The following CDH2 variants were observed in gnomAD, a reference collection of about 807,000 sequenced individuals.
The protein encoded by CDH2 is cadherin-2.
In CDH2, 17 loss-of-function variants were observed where a neutral mutation model predicts 92.0. The observed-to-expected ratio is 0.18, with a 90% CI of 0.13 to 0.28. CDH2 has a LOEUF of 0.28. CDH2 is among the 10% of genes least tolerant of loss of function. The pLI is 1.00. For missense variants in CDH2, 862 were observed against 1,133.1 expected, an observed-to-expected ratio of 0.76 and a Z score of 3.44; for synonymous variants, 419 against 415.9, an observed-to-expected ratio of 1.01 and a Z score of -0.09.
intron 2 of CDH2, among the ~76,000 whole-genome samples, chr18:28,053,655 A>C (rs1287071906): frequency 6.6e-6 from 1 of 152,222 alleles, no homozygotes; most frequent in East Asian, 1.9e-4. Flanking sequence ...CTGTCTGAAC[A>C]GGCTGCAGCC....
intron 2 of CDH2, among the ~76,000 whole-genome samples, chr18:28,082,021 C>A (rs1258513997): frequency 1.3e-5 from 2 of 152,034 alleles, no homozygotes; most frequent in African/African-American, 4.8e-5. Flanking sequence ...AAGTTCATAG[C>A]CTTGTAAAAT....
At chr18:28,073,695 T>G (rs2014663444) in intron 2 of CDH2, among the ~76,000 whole-genome samples, 1 of 152,160 alleles carries the variant, frequency 6.6e-6, no homozygotes, top group Admixed American at 6.5e-5. Context: ...GTTAAACACA[T>G]TTATTGAACT....
intron 2 of CDH2, among the ~76,000 whole-genome samples, chr18:28,046,854 A>C (rs1172237290): frequency 6.6e-6 from 1 of 152,222 alleles, no homozygotes. Context: ...ACTGATGTTC[A>C]ATTGGAGTAA....
chr18:27,956,887 C>T (rs571388632), intron 15 of CDH2, among the ~76,000 whole-genome samples: 15 of 152,198 alleles, frequency 9.9e-5, no homozygotes, highest in Non-Finnish European at 1.5e-4. Flanking sequence ...AACTCAAATG[C>T]CTGCTGTTGG....
intron 2 of CDH2, among the ~76,000 whole-genome samples, chr18:28,024,675 T>C (rs1187672278): frequency 6.6e-6 from 1 of 151,730 alleles, no homozygotes; most frequent in Non-Finnish European, 1.5e-5. Flanking sequence ...GAACTTACTG[T>C]TCTCTTTAGT....
intron 14 of CDH2, among the ~76,000 whole-genome samples, chr18:27,975,050 A>G (rs1249919853): frequency 1.3e-5 from 2 of 152,146 alleles, no homozygotes; most frequent in African/African-American, 2.4e-5. Flanking sequence ...TTAAAACTTA[A>G]AAAAACACAT....
At chr18:28,151,983 T>C (rs2016129894) in intron 1 of CDH2, among the ~76,000 whole-genome samples, 1 of 152,038 alleles carries the variant, frequency 6.6e-6, no homozygotes, top group Admixed American at 6.5e-5. Context: ...TTTCATTCCA[T>C]TTTCAAGTCT....
chr18:28,148,032 A>T (rs1318154594), intron 1 of CDH2, among the ~76,000 whole-genome samples: 1 of 152,186 alleles, frequency 6.6e-6, no homozygotes, highest in Admixed American at 6.5e-5. Flanking sequence ...AGGTTCTTCT[A>T]AGGACTGAAC....
At chr18:28,147,498 TAA>T (rs1344640278) in intron 2 of CDH2, among the ~76,000 whole-genome samples, 173 bp downstream of exon 2, 1 of 152,158 alleles carries the variant, frequency 6.6e-6, no homozygotes, top group African/African-American at 2.4e-5. Context: ...ATTATGTATA[TAA>T]GAGATTCATA....
At chr18:27,936,484 C>G (rs1909021969) in intron 6 of CDH2, among the ~76,000 whole-genome samples, 1 of 152,112 alleles carries the variant, frequency 6.6e-6, no homozygotes, top group African/African-American at 2.4e-5. Context: ...CTCACTCACA[C>G]TTTCATAGCT....
At chr18:28,002,075 C>A (rs2012784914) in intron 7 of CDH2, among the ~76,000 whole-genome samples, 1 of 152,104 alleles carries the variant, frequency 6.6e-6, no homozygotes, top group South Asian at 2.1e-4. Flanking sequence ...AAAATAATGA[C>A]CTTGAGAGTC....
At chr18:27,944,002 T>C (rs1909205753) in intron 6 of CDH2, among the ~76,000 whole-genome samples, 1 of 152,018 alleles carries the variant, frequency 6.6e-6, no homozygotes, top group South Asian at 2.1e-4. Flanking sequence ...AAGATTAAGA[T>C]GGAGATAAAA....
intron 6 of CDH2, among the ~76,000 whole-genome samples, chr18:27,933,830 CCTAA>C (rs543817192): frequency 1.2e-3 from 186 of 152,260 alleles, no homozygotes; most frequent in African/African-American, 4.3e-3. Context: ...TGAAATTATA[CCTAA>C]CTAAGACTTT....
At chr18:28,093,344 CT>C (rs2015070308) in intron 2 of CDH2, among the ~76,000 whole-genome samples, 1 of 152,144 alleles carries the variant, frequency 6.6e-6, no homozygotes, top group East Asian at 1.9e-4. Flanking sequence ...GGTAAAGTCT[CT>C]TCTTCCTGAT....
intron 5 of CDH2, 113 bp downstream of exon 5, chr18:28,009,604 A>G (rs989921587): frequency 6.3e-6 from 5 of 797,452 alleles, no homozygotes; most frequent in Non-Finnish European, 7.4e-6. Flanking sequence ...TACAGATACA[A>G]TTCTTAAAAC....
rs150313483 is a variant in CDH2, at chr18:27,990,118, C to T, written c.1577G>A (p.Arg526Gln). ...LTTFTAQDPD[R>Q]YMQQNIRYTK... is the part of the protein sequence containing the mutation. The stretch of plus-strand genomic sequence containing the variant: ...ATACCTAATATTTTGCTGCATATAT[C>T]GATCTGGGTCCTGAGCAGTGAATGT... Residue 526 changes from arginine (R) to glutamine (Q), a missense_variant, in exon 10 of 16, where the codon CGA (arginine) becomes CAA (glutamine). Arg to Gln is a conservative substitution (Grantham distance 43). Transcript: ENST00000269141. 31 of 1,613,840 alleles carry T rather than the reference C, an allele frequency of 1.9e-5. No individual in the cohort carries two copies. In the African/African-American group the frequency reaches 2.9e-4, roughly 15 times the overall value.
intron 2 of CDH2, among the ~76,000 whole-genome samples, chr18:28,082,397 C>G (rs1261320328): frequency 6.6e-6 from 1 of 152,036 alleles, no homozygotes; most frequent in Non-Finnish European, 1.5e-5. Context: ...GCCAACACAG[C>G]AAGACTCTAA....
At chr18:27,955,390 A>AAAAAAAAAAAAAAAAAAAAAG (rs1567934877) in intron 15 of CDH2, among the ~76,000 whole-genome samples, 1 of 23,768 alleles carries the variant, frequency 4.2e-5, no homozygotes, top group Non-Finnish European at 1.9e-4. Context: ...AAAAAAGAAA[A>AAAAAAAAAAAAAAAAAAAAAG]AGAAAGAAAA....
intron 1 of CDH2, among the ~76,000 whole-genome samples, chr18:28,154,933 T>C (rs2016184414): frequency 6.6e-6 from 1 of 152,230 alleles, no homozygotes; most frequent in Non-Finnish European, 1.5e-5. Flanking sequence ...TAGACTAAGT[T>C]AGTTATCATA....
Sources: allele counts gnomAD v4.1 joint callset (sites outside exome capture counted in the v4.1 genomes callset), GRCh38; gene constraint gnomAD v4.1.1; transcripts MANE v1.5; gene names NCBI Gene and HGNC (gene_info 2026-07-23, HGNC 2026-07-21).